The following DAPK3 variants were observed in gnomAD, a reference collection of about 807,000 sequenced individuals.
The protein encoded by DAPK3 is death-associated protein kinase 3.
A neutral mutation model predicts 30.6 loss-of-function variants in DAPK3; 24 were observed. That is an observed-to-expected ratio of 0.78 (90% CI 0.57 to 1.10). The LOEUF (loss-of-function observed/expected upper bound fraction) is 1.10. Among genes scored for constraint, DAPK3 ranks in the 50% least tolerant of loss-of-function variants. The pLI, the probability that DAPK3 is intolerant of heterozygous loss-of-function variation, is 0.00. For missense variants in DAPK3, 629 were observed against 657.3 expected, an observed-to-expected ratio of 0.96 and a Z score of 0.47; for synonymous variants, 341 against 284.0, an observed-to-expected ratio of 1.20 and a Z score of -2.02.
At position 3,959,162 on chromosome 19, in the gene DAPK3, TGCACGAAGC is replaced by T; in HGVS notation, c.1295_1303del (p.Arg432_Val434del). The T allele has an allele frequency of 6.3e-7, 1 of 1,594,508 alleles. No individual in the cohort carries two copies. The highest frequency in any genetic ancestry group is 8.5e-7 in the Non-Finnish European group (1 of 1,175,670). The stretch of plus-strand genomic sequence containing the variant: ...CTGCTCCAGGGCGCGCACGAGGTCC[TGCACGAAGC>T]GCATCTCGGAGGCTACTTGCTTGGC... On this transcript the variant is annotated inframe_deletion, in exon 9 of 9. Transcript: ENST00000545797.
Position 3,958,602 on chromosome 19 carries a change from G to A in DAPK3, c.*499C>T, listed in dbSNP as rs973180332. On this transcript the variant is annotated 3_prime_UTR_variant, in exon 9 of 9. Coordinates refer to ENST00000545797, the MANE Select transcript of DAPK3 (RefSeq NM_001348.3). ...GCCTCGGCGAGAAGGGCACACAGTGGAAGACCCCACCAAGCCCGGCGCCAC... is the reference window on the plus strand; with the variant it reads ...GCCTCGGCGAGAAGGGCACACAGTGAAAGACCCCACCAAGCCCGGCGCCAC... The A allele has an allele frequency of 4.6e-6, 2 of 433,544 alleles. No individual in the cohort carries two copies. The highest frequency in any genetic ancestry group is 2.0e-5 in the African/African-American group (1 of 49,554). 26.9% of individuals were successfully genotyped at this position (433,544 alleles called of 1,614,324 possible).
Position 3,961,016 on chromosome 19 carries a change from C to T in DAPK3, c.775G>A (p.Asp259Asn). 1 of 1,613,716 alleles carries T rather than the reference C, an allele frequency of 6.2e-7. No individual in the cohort carries two copies. Among genetic ancestry groups the T allele is most frequent in the Non-Finnish European group, 8.5e-7 (1 of 1,179,908 alleles). The change falls in exon 7 of 9, where the codon GAT becomes AAT. Residue 259 changes from aspartate to asparagine, a missense_variant. Asp to Asn is a conservative substitution (Grantham distance 23). This residue lies in a region of DAPK3 where 306 missense variants were observed against 378.5 expected (regional missense o/e 0.81). Transcript: ENST00000545797. ...CCTGCCGGCCCCTCGTACTTGGGAT[C>T]TTTGACGAGCAGCCGGCGAATGAAG... ...KDFIRRLLVK[D>N]PKRRMTIAQS...
Position 3,960,203 on chromosome 19 carries a change from C to T in DAPK3, c.783-99G>A, listed in dbSNP as rs1599176272. The T allele has an allele frequency of 5.7e-6, 4 of 697,842 alleles. No individual in the cohort carries two copies. The East Asian group carries it at 8.2e-5, about 14-fold the overall frequency. The allele number at this position is 697,842 out of a possible 1,614,324, so 43.2% of individuals were successfully genotyped here. A position where few individuals can be genotyped will look rare whatever the true frequency, so the allele number is the denominator to read the frequency against. On this transcript the variant is annotated intron_variant, in intron 7 of 8. Transcript: ENST00000545797. ...GACCCCCAAAAGCCCTAAAGTCGCC[C>T]CCCAGCCTCTGCTCAGCCAACCACA...
At chr19:3,963,619 A>AG (rs1333758405) in intron 6 of DAPK3, 24 bp downstream of exon 6, 3 of 1,481,782 alleles carry the variant, frequency 2.0e-6, no homozygotes, top group Non-Finnish European at 2.7e-6. Context: ...TGCACAGCCG[A>AG]GGGGGCCCCC....
intron 8 of DAPK3, 68 bp downstream of exon 8, chr19:3,959,991 G>T: frequency 1.1e-6 from 1 of 889,618 alleles, no homozygotes; most frequent in African/African-American, 1.6e-5. Context: ...AATGCTGAAG[G>T]CCCCCCGGGA....
intron 7 of DAPK3, 81 bp downstream of exon 7, chr19:3,960,928 G>A: frequency 6.7e-7 from 1 of 1,484,916 alleles, no homozygotes. Flanking sequence ...GGCGCTGGGA[G>A]GAGAGTCCTC....
In DAPK3 at chr19:3,964,813, C is replaced by T. The variant is rs960961126; in HGVS notation, c.241G>A (p.Asp81Asn). ...IRHPNIITLH[D>N]IFENKTDVVL... ...ACGTCCGTCTTGTTCTCGAAGATGTCGTGCAGGGTGATGATGTTGGGGTGC... is the reference window on the plus strand; with the variant it reads ...ACGTCCGTCTTGTTCTCGAAGATGTTGTGCAGGGTGATGATGTTGGGGTGC... Residue 81 changes from aspartate (D) to asparagine (N), a missense_variant, in exon 3 of 9, where the codon GAC (aspartate) becomes AAC (asparagine). This residue lies in a region of DAPK3 where 306 missense variants were observed against 378.5 expected (regional missense o/e 0.81). Transcript: ENST00000545797. 3.1e-6 allele frequency: 5 copies of T among 1,612,682 alleles called. No homozygotes were observed. The highest frequency in any genetic ancestry group is 3.4e-6 in the Non-Finnish European group (4 of 1,178,922).
intron 8 of DAPK3, 164 bp downstream of exon 8, chr19:3,959,895 C>G: frequency 1.5e-6 from 1 of 654,226 alleles, no homozygotes; most frequent in East Asian, 2.7e-5. Flanking sequence ...GGACATCCCA[C>G]GCCCAGGACC....
rs2039469091 is a variant in DAPK3, at chr19:3,958,891, T to C, written c.*210A>G. ...GCAGGGGTGAAGGTGAAGGCCAGCGTGGAGGCTGTGTAGAGAAGCAGCCCC... is the reference window on the plus strand; with the variant it reads ...GCAGGGGTGAAGGTGAAGGCCAGCGCGGAGGCTGTGTAGAGAAGCAGCCCC... On this transcript the variant is annotated 3_prime_UTR_variant, in exon 9 of 9. Coordinates refer to ENST00000545797, the MANE Select transcript of DAPK3 (RefSeq NM_001348.3). 1 of 583,228 alleles carries C rather than the reference T, an allele frequency of 1.7e-6. No individual in the cohort carries two copies. The allele number at this position is 583,228 out of a possible 1,614,324, so 36.1% of individuals were successfully genotyped here.
In DAPK3 at chr19:3,967,806, G is replaced by C. The variant is rs575102148; in HGVS notation, c.62+1868C>G. On this transcript the variant is annotated intron_variant, in intron 2 of 8. Transcript: ENST00000545797. ...TCTGGGCCTTCATCTTGCACTTCAT[G>C]TATCTCTGAGAATGTTCCAGACCAC... Among the ~76,000 whole-genome samples, 3 of 152,214 alleles carry C rather than the reference G, an allele frequency of 2.0e-5. No homozygotes were observed. The South Asian group carries it at 6.2e-4, about 32-fold the overall frequency.
Position 3,958,589 on chromosome 19 carries a change from A to C in DAPK3, c.*512T>G. Reference sequence around the variant, plus strand: ...ACCCGGGGGACCGGCCTCGGCGAGAAGGGCACACAGTGGAAGACCCCACCA... The same window carrying C: ...ACCCGGGGGACCGGCCTCGGCGAGACGGGCACACAGTGGAAGACCCCACCA... On this transcript the variant is annotated 3_prime_UTR_variant, in exon 9 of 9. Transcript: ENST00000545797. 1 of 446,724 alleles carries C rather than the reference A, an allele frequency of 2.2e-6. No individual in the cohort carries two copies. Among genetic ancestry groups the C allele is most frequent in the Non-Finnish European group, 4.5e-6 (1 of 222,992 alleles). The allele number at this position is 446,724 out of a possible 1,614,324, so 27.7% of individuals were successfully genotyped here. A position where few individuals can be genotyped will look rare whatever the true frequency, so the allele number is the denominator to read the frequency against.
intron 6 of DAPK3, 78 bp downstream of exon 6, chr19:3,963,565 G>A (rs779620207): frequency 1.4e-5 from 13 of 905,558 alleles, no homozygotes; most frequent in East Asian, 8.4e-5. Context: ...GACCCCTGGC[G>A]TCCACATGAG....
intron 2 of DAPK3, among the ~76,000 whole-genome samples, chr19:3,967,916 C>T (rs963585133): frequency 2.0e-5 from 3 of 152,208 alleles, no homozygotes; most frequent in Non-Finnish European, 4.4e-5. Flanking sequence ...CCGAGAAAAA[C>T]TGCGACATGA....
At chr19:3,959,687 CGCCAGCCCCCACCT>C in intron 8 of DAPK3, 50 bp from the exon 9 acceptor site, 6 of 1,491,474 alleles carry the variant, frequency 4.0e-6, no homozygotes, top group Non-Finnish European at 5.3e-6. Flanking sequence ...CACCCAGCCC[CGCCAGCCCCCACCT>C]GCCAGTGTGA....
chr19:3,964,802 C>T lies in DAPK3; in HGVS notation c.252G>A (p.Glu84=), dbSNP rs779291482. ...PNIITLHDIF[E]NKTDVVLILE... ...GGATGAGGACCACGTCCGTCTTGTTCTCGAAGATGTCGTGCAGGGTGATGA... is the reference window on the plus strand; with the variant it reads ...GGATGAGGACCACGTCCGTCTTGTTTTCGAAGATGTCGTGCAGGGTGATGA... Residue 84 remains glutamate, a synonymous_variant, in exon 3 of 9, where the codon GAG becomes GAA. Coordinates refer to ENST00000545797, the MANE Select transcript of DAPK3 (RefSeq NM_001348.3). 1 of 1,612,660 alleles carries T rather than the reference C, an allele frequency of 6.2e-7. No homozygotes were observed. Among genetic ancestry groups the T allele is most frequent in the Admixed American group, 1.7e-5 (1 of 59,970 alleles).
Position 3,964,244 on chromosome 19 carries a change from C to A in DAPK3, c.553G>T (p.Ala185Ser). ...GGCTGCCCACTGGGCAGGGCCTCAC[C>A]CACAAACTCCGGGGTGCCGAAGATG... ...KNIFGTPEFV[A>S]PEIVNYEPLG... The change falls in exon 4 of 9, where the codon GCC becomes TCC. Residue 185 changes from alanine (A) to serine (S), a missense_variant and splice_region_variant. By Grantham distance (99) the Ala-to-Ser change is moderately conservative. Coordinates refer to ENST00000545797, the MANE Select transcript of DAPK3 (RefSeq NM_001348.3). 6.2e-7 allele frequency: 1 copy of A among 1,609,518 alleles called. No individual in the cohort carries two copies. The highest frequency in any genetic ancestry group is 8.5e-7 in the Non-Finnish European group (1 of 1,176,976).
chr19:3,964,947 C>A lies in DAPK3; in HGVS notation c.107G>T (p.Gly36Val). The stretch of plus-strand genomic sequence containing the variant: ...GATGAACTTGGCTGCGTACTCCTTG[C>A]CCGTGCCCTTCTGCCGGCACTTCCG... Reference protein sequence around the residue: ...IVRKCRQKGTGKEYAAKFIKK... With the variant: ...IVRKCRQKGTVKEYAAKFIKK... The change falls in exon 3 of 9, where the codon GGC becomes GTC. Residue 36 changes from glycine to valine, a missense_variant. Transcript: ENST00000545797. The A allele has an allele frequency of 1.9e-6, 3 of 1,611,610 alleles. No homozygotes were observed. The highest frequency in any genetic ancestry group is 2.5e-6 in the Non-Finnish European group (3 of 1,178,522).
At chr19:3,965,818 C>T (rs1292475502) in intron 2 of DAPK3, among the ~76,000 whole-genome samples, 3 of 152,000 alleles carry the variant, frequency 2.0e-5, no homozygotes, top group Non-Finnish European at 1.5e-5. Context: ...GCACATACCA[C>T]CACACCCAAT....
Position 3,961,076 on chromosome 19 carries a change from C to G in DAPK3, c.715G>C (p.Glu239Gln), listed in dbSNP as rs748580973. 1 of 1,613,758 alleles carries G rather than the reference C, an allele frequency of 6.2e-7. No homozygotes were observed. Among genetic ancestry groups the G allele is most frequent in the African/African-American group, 1.3e-5 (1 of 74,862 alleles). The change falls in exon 7 of 9, where the codon GAG becomes CAG. Residue 239 changes from glutamate to glutamine, a missense_variant. Coordinates refer to ENST00000545797, the MANE Select transcript of DAPK3 (RefSeq NM_001348.3). The stretch of plus-strand genomic sequence containing the variant: ...AGCTCGCTGGTGTTGCTGAAGTACT[C>G]CTCGTCGAAGTCGTAGTTCACGGCT... ...ISAVNYDFDE[E>Q]YFSNTSELAK...
Sources: allele counts gnomAD v4.1 joint callset (sites outside exome capture counted in the v4.1 genomes callset), GRCh38; gene constraint gnomAD v4.1.1; regional missense constraint gnomAD v4.1.1; transcripts MANE v1.5; gene names NCBI Gene and HGNC (gene_info 2026-07-23, HGNC 2026-07-21).